The following GPS1 variants were observed in gnomAD, a reference collection of about 807,000 sequenced individuals.
GPS1 encodes G protein pathway suppressor 1.
Under a neutral mutation model 60.0 loss-of-function variants are expected in GPS1, and 11 were observed. That is an observed-to-expected ratio of 0.18 (90% CI 0.12 to 0.30). The LOEUF (loss-of-function observed/expected upper bound fraction) is 0.30, where lower values mean the gene tolerates loss of function less well. Among genes scored for constraint, GPS1 ranks in the 10% least tolerant of loss-of-function variants. The pLI is 1.00. For synonymous variants in GPS1, 343 were observed against 269.8 expected (o/e 1.27, Z -2.66); for missense variants, 543 against 669.2 (o/e 0.81, Z 2.08).
At chr17:82,054,114 G>C (rs751447892) in intron 3 of GPS1, 65 bp downstream of exon 3, 5 of 1,501,046 alleles carry the variant, frequency 3.3e-6, no homozygotes, top group Non-Finnish European at 4.5e-6. Context: ...TCTGGGACTG[G>C]GCCCCCTTCC....
intron 2 of GPS1, 24 bp downstream of exon 2, chr17:82,053,390 T>C: frequency 6.9e-7 from 1 of 1,440,804 alleles, no homozygotes; most frequent in South Asian, 1.6e-5. Context: ...TGGGGGGACC[T>C]TGGGTGTCTC....
At position 82,053,851 on chromosome 17, in the gene GPS1, T is replaced by C. The variant is rs1485848094; in HGVS notation, c.127-17T>C. 1.9e-6 allele frequency: 3 copies of C among 1,598,054 alleles called. No homozygotes were observed. Among genetic ancestry groups the C allele is most frequent in the African/African-American group, 1.3e-5 (1 of 74,708 alleles). On this transcript the variant is annotated splice_polypyrimidine_tract_variant and intron_variant, in intron 2 of 12. Transcript: ENST00000578552. Reference sequence around the variant, plus strand: ...TGCCTCCCATCCTGCCTGACTCTTGTCTGTGCCTGCTCCCAGGATCTGGAA... The same window carrying C: ...TGCCTCCCATCCTGCCTGACTCTTGCCTGTGCCTGCTCCCAGGATCTGGAA...
chr17:82,054,201 A>AG, intron 3 of GPS1, 152 bp downstream of exon 3: 1 of 875,414 alleles, frequency 1.1e-6, no homozygotes, highest in Non-Finnish European at 1.7e-6. Context: ...CAGCAGTGGA[A>AG]GTGCCCTGTG....
At chr17:82,055,511 G>A in intron 6 of GPS1, 1 of 607,090 alleles carries the variant, frequency 1.6e-6, no homozygotes, top group Non-Finnish European at 2.9e-6. Flanking sequence ...TAGCACCTAG[G>A]GCTTCCCTGC....
chr17:82,055,669 G>A (rs879669915), intron 6 of GPS1, 71 bp from the exon 7 acceptor site: 15 of 1,099,954 alleles, frequency 1.4e-5, no homozygotes, highest in Admixed American at 6.1e-5. Context: ...GTTTCCAGGC[G>A]TTAGCGGCTT....
Position 82,057,264 on chromosome 17 carries a change from C to CT in GPS1, c.*137_*138insT, listed in dbSNP as rs1310986249. ...GGTGCCACCCAGCCTGTGTGCCCTC[C>CT]CTGGGGCTGAGGAGGCAGGCGGCTG... On this transcript the variant is annotated 3_prime_UTR_variant, in exon 13 of 13. Transcript: ENST00000578552. The CT allele has an allele frequency of 1.0e-5, 12 of 1,156,524 alleles. No individual in the cohort carries two copies. Among genetic ancestry groups the CT allele is most frequent in the Non-Finnish European group, 1.5e-5 (12 of 784,230 alleles). The allele number at this position is 1,156,524 out of a possible 1,614,324, so 71.6% of individuals were successfully genotyped here.
At position 82,054,892 on chromosome 17, in the gene GPS1, C is replaced by G. The variant is rs202153481; in HGVS notation, c.610-6C>G. Reference sequence around the variant, plus strand: ...GGGCTCACTTGGCTCTGCGCCCCCCCGCCAGGTCAGCGTCTACTTGCAGAA... The same window carrying G: ...GGGCTCACTTGGCTCTGCGCCCCCCGGCCAGGTCAGCGTCTACTTGCAGAA... On this transcript the variant is annotated splice_region_variant and splice_polypyrimidine_tract_variant and intron_variant, in intron 4 of 12. Transcript: ENST00000578552. The G allele has an allele frequency of 4.4e-6, 7 of 1,577,644 alleles. No homozygotes were observed. Among genetic ancestry groups the G allele is most frequent in the Non-Finnish European group, 5.2e-6 (6 of 1,159,164 alleles).
intron 1 of GPS1, chr17:82,052,877 G>T (rs1158669448): frequency 4.0e-6 from 1 of 248,268 alleles, no homozygotes; most frequent in South Asian, 7.1e-5. Context: ...TGCCTCCTGG[G>T]GTTGAGGTGG....
At position 82,055,649 on chromosome 17, in the gene GPS1, G is replaced by A. The variant is rs1033774983; in HGVS notation, c.749-91G>A. 3.9e-5 allele frequency: 34 copies of A among 867,784 alleles called. 1 individual carries two copies. Among genetic ancestry groups the A allele is most frequent in the East Asian group, 2.9e-4 (11 of 37,858 alleles). 53.8% of individuals were successfully genotyped at this position (867,784 alleles called of 1,614,324 possible). On this transcript the variant is annotated intron_variant, in intron 6 of 12. Coordinates refer to ENST00000578552, the MANE Select transcript of GPS1 (RefSeq NM_001321092.3). ...GGCCAGCGAGCCGGCTGGTGGTCGC[G>A]TTCTCCCTGGTTTCCAGGCGTTAGC... is the stretch of plus-strand genomic sequence containing the variant.
chr17:82,053,028 C>G (rs1414557616), intron 1 of GPS1: 1 of 351,478 alleles, frequency 2.8e-6, no homozygotes, highest in Non-Finnish European at 5.1e-6. Context: ...TAGAATCAGG[C>G]GAGGGGTTTC....
chr17:82,055,800 C>T lies in GPS1; in HGVS notation c.809C>T (p.Ser270Phe). Residue 270 changes from serine (S) to phenylalanine (F), a missense_variant, in exon 7 of 13, where the codon TCC (serine) becomes TTC (phenylalanine). Around this residue, in one of 3 missense-constraint regions of GPS1, gnomAD observed 291 missense variants for 353.7 expected, o/e 0.82. Coordinates refer to ENST00000578552, the MANE Select transcript of GPS1 (RefSeq NM_001321092.3). ...KQAAKCLLLA[S>F]FDHCDFPELL... ...GCTGCCAAGTGCCTCCTGCTGGCTT[C>T]CTTTGATCACTGTGACTTCCCTGAG... 6.4e-7 allele frequency: 1 copy of T among 1,563,920 alleles called. No individual in the cohort carries two copies. Among genetic ancestry groups the T allele is most frequent in the Non-Finnish European group, 8.7e-7 (1 of 1,153,476 alleles).
rs1010345035 is a variant in GPS1 at position 82,057,058 on chromosome 17, G to A, written c.1395G>A (p.Pro465=). 14 of 1,595,232 alleles carry A rather than the reference G, an allele frequency of 8.8e-6. No individual in the cohort carries two copies. Among genetic ancestry groups the A allele is most frequent in the South Asian group, 3.4e-5 (3 of 88,832 alleles). The change falls in exon 13 of 13, where the codon CCG becomes CCA. Residue 465 remains proline, a synonymous_variant. Transcript: ENST00000578552. ...GCTCCTTGTCTCCCCTGCAGTCCCC[G>A]CCCAGAGAAGGGAGCCAGGGGGAGC... ...VLRNQIHVKS[P]PREGSQGELT...
chr17:82,055,646 C>T lies in GPS1; in HGVS notation c.749-94C>T, dbSNP rs80214171. On this transcript the variant is annotated intron_variant, in intron 6 of 12. Coordinates refer to ENST00000578552, the MANE Select transcript of GPS1 (RefSeq NM_001321092.3). ...AGAGGCCAGCGAGCCGGCTGGTGGT[C>T]GCGTTCTCCCTGGTTTCCAGGCGTT... 8,064 of 820,074 alleles carry T rather than the reference C, an allele frequency of 9.8e-3. 479 individuals are homozygous for T. The Admixed American group carries it at 0.12, about 12-fold the overall frequency. The allele number at this position is 820,074 out of a possible 1,614,324, so 50.8% of individuals were successfully genotyped here.
chr17:82,052,318 C>G, intron 1 of GPS1: 2 of 1,613,014 alleles, frequency 1.2e-6, no homozygotes, highest in Non-Finnish European at 1.7e-6. Context: ...TGAGGGATAG[C>G]TCGGCCCCCA....
chr17:82,054,428 G>A, intron 3 of GPS1, 82 bp from the exon 4 acceptor site: 6 of 1,432,224 alleles, frequency 4.2e-6, no homozygotes, highest in Non-Finnish European at 5.5e-6. Flanking sequence ...GGCCTTTGAG[G>A]GCAGCCTGAG....
At chr17:82,053,522 G>C (rs892941745) in intron 2 of GPS1, 156 bp downstream of exon 2, 1 of 548,964 alleles carries the variant, frequency 1.8e-6, no homozygotes, top group Non-Finnish European at 3.0e-6. Context: ...TTCTGATTGC[G>C]CACTCACATG....
In GPS1 at chr17:82,053,581, G is replaced by A. The variant is rs928859675; in HGVS notation, c.126+215G>A. The A allele has an allele frequency of 1.2e-5, 6 of 519,586 alleles. No homozygotes were observed. The Admixed American group carries it at 1.9e-4, about 16-fold the overall frequency. The allele number at this position is 519,586 out of a possible 1,614,324, so 32.2% of individuals were successfully genotyped here. A position where few individuals can be genotyped will look rare whatever the true frequency, so the allele number is the denominator to read the frequency against. ...GCTGCTCATGGAGAAGCCAGGGCAG[G>A]TCTCCTCCCCGCTCAGCCTAGCGAC... On this transcript the variant is annotated intron_variant, in intron 2 of 12. Transcript: ENST00000578552.
chr17:82,054,461 C>A, intron 3 of GPS1, 49 bp from the exon 4 acceptor site: 1 of 1,448,584 alleles, frequency 6.9e-7, no homozygotes, highest in Non-Finnish European at 9.1e-7. Flanking sequence ...CTCCCCTCCT[C>A]CCTGGCCCCC....
chr17:82,051,798 G>C (rs1438461919), upstream of GPS1: 4 of 1,128,270 alleles, frequency 3.5e-6, no homozygotes, highest in East Asian at 1.4e-4. This position sits in a 1 kb window ranked among gnomAD's most constrained non-coding sequence, Gnocchi z 4.1. Flanking sequence ...GCTGCGAGCG[G>C]AGAACCTGGC....
Sources: gnomAD v4.1 joint callset for allele counts on GRCh38, gnomAD v4.1.1 for gene constraint, gnomAD v4.1.1 regional missense constraint, Gnocchi (gnomAD v3.1) non-coding constraint, MANE v1.5 for transcripts, NCBI Gene and HGNC (gene_info 2026-07-23, HGNC 2026-07-21) for gene names.